The following DPP6 variants were observed in gnomAD, a reference collection of about 807,000 sequenced individuals.
The protein encoded by DPP6 is A-type potassium channel modulatory protein DPP6.
A neutral mutation model predicts 122.6 loss-of-function variants in DPP6; 69 were observed. That is an observed-to-expected ratio of 0.56 (90% CI 0.46 to 0.69). DPP6 has a LOEUF of 0.69. DPP6 is among the 30% of genes least tolerant of loss of function. DPP6 has a pLI of 0.00. For missense variants in DPP6, 928 were observed against 1,116.9 expected (o/e 0.83, Z 2.41); for synonymous variants, 418 against 433.1 (o/e 0.97, Z 0.43).
chr7:154,028,149 T>G (rs1799039548), intron 1 of DPP6, among the ~76,000 whole-genome samples: 2 of 151,954 alleles, frequency 1.3e-5, no homozygotes, highest in African/African-American at 4.8e-5. Flanking sequence ...ATGACATTTG[T>G]GTGGGGTTCT....
At chr7:154,583,775 G>A (rs1282223558) in intron 5 of DPP6, among the ~76,000 whole-genome samples, 1 of 152,200 alleles carries the variant, frequency 6.6e-6, no homozygotes, top group African/African-American at 2.4e-5. Context: ...TCTGACTCGG[G>A]TGTCAGACCT....
chr7:154,141,812 G>A (rs1465760326), intron 1 of DPP6, among the ~76,000 whole-genome samples: 1 of 152,174 alleles, frequency 6.6e-6, no homozygotes, highest in Non-Finnish European at 1.5e-5. Flanking sequence ...ATCTTGGTCA[G>A]TACAGTCAGG....
At chr7:154,063,279 AG>A (rs1480844084) in intron 1 of DPP6, among the ~76,000 whole-genome samples, 3 of 88,354 alleles carry the variant, frequency 3.4e-5, no homozygotes, top group Admixed American at 1.2e-4. Flanking sequence ...CCCATCGCAG[AG>A]GGGGGAGGGA....
At chr7:154,192,998 CAT>C (rs1443176475) in intron 1 of DPP6, among the ~76,000 whole-genome samples, 18 of 152,214 alleles carry the variant, frequency 1.2e-4, no homozygotes, top group Admixed American at 1.0e-3. Flanking sequence ...CAGTAAATAA[CAT>C]GTGGAGTTAA....
In DPP6 at chr7:154,332,229, G is replaced by A. The variant is rs143880560; in HGVS notation, c.244-113985G>A. On this transcript the variant is annotated intron_variant, in intron 1 of 25. Coordinates refer to ENST00000377770, the MANE Select transcript of DPP6 (RefSeq NM_130797.4). Reference sequence around the variant, plus strand: ...TGGGATTACAGGCACATGCCACCACGCCCGGCTAATTTGTGTATTTTTAGT... The same window carrying A: ...TGGGATTACAGGCACATGCCACCACACCCGGCTAATTTGTGTATTTTTAGT... 4.0e-3 allele frequency among the ~76,000 whole-genome samples: 612 copies of A among 152,018 alleles called. 3 individuals carry two copies. The highest frequency in any genetic ancestry group is 0.013 in the African/African-American group (529 of 41,470).
intron 1 of DPP6, among the ~76,000 whole-genome samples, chr7:154,397,801 T>C (rs796433782): frequency 4.6e-5 from 7 of 152,320 alleles, no homozygotes; most frequent in African/African-American, 1.7e-4. Context: ...AGGTGTGTGA[T>C]ACATTTGTTT....
chr7:154,560,961 A>G (rs1161887001), intron 4 of DPP6, among the ~76,000 whole-genome samples: 1 of 152,130 alleles, frequency 6.6e-6, no homozygotes, highest in Non-Finnish European at 1.5e-5. Flanking sequence ...TTGAATGGCT[A>G]TATTAATATT....
intron 1 of DPP6, among the ~76,000 whole-genome samples, chr7:153,889,402 A>C (rs1049419649): frequency 6.6e-6 from 1 of 152,164 alleles, no homozygotes; most frequent in Non-Finnish European, 1.5e-5. Flanking sequence ...ACGTGATGCC[A>C]TCATGTGCTA....
intron 1 of DPP6, among the ~76,000 whole-genome samples, chr7:154,227,215 G>GACACACACACACACAAACACACAC (rs1554495536): frequency 2.8e-5 from 4 of 141,356 alleles, no homozygotes; most frequent in Non-Finnish European, 6.1e-5. Flanking sequence ...GAAAATGAGG[G>GACACACACACACACAAACACACAC]ACACACACAC....
chr7:154,182,166 G>C (rs1798123705), intron 1 of DPP6, among the ~76,000 whole-genome samples: 2 of 152,098 alleles, frequency 1.3e-5, no homozygotes, highest in Non-Finnish European at 2.9e-5. Flanking sequence ...TTCTCACTTA[G>C]GAAATTGCAA....
At chr7:154,829,714 T>G (rs995391574) in intron 16 of DPP6, among the ~76,000 whole-genome samples, 5 of 152,142 alleles carry the variant, frequency 3.3e-5, no homozygotes, top group African/African-American at 9.7e-5. Flanking sequence ...AGATGGGAAC[T>G]TTGAGGTTCC....
the DPP6 span, among the ~76,000 whole-genome samples, chr7:153,867,082 G>A: frequency 3.3e-5 from 5 of 152,134 alleles, no homozygotes; most frequent in South Asian, 4.1e-4. Flanking sequence ...GTCAGGTAGC[G>A]TGATGCCTCC....
intron 1 of DPP6, among the ~76,000 whole-genome samples, chr7:154,069,327 AT>A (rs1191381896): frequency 2.1e-5 from 2 of 95,556 alleles, no homozygotes; most frequent in Non-Finnish European, 4.1e-5. Context: ...AAAGTTTTTA[AT>A]TTTTTTATTT....
intron 1 of DPP6, among the ~76,000 whole-genome samples, chr7:154,179,027 G>A (rs925619106): frequency 2.0e-5 from 3 of 152,170 alleles, no homozygotes; most frequent in Non-Finnish European, 4.4e-5. Context: ...TGGCCCAGAA[G>A]CAACAGGGCT....
At chr7:154,219,185 T>C (rs965442214) in intron 1 of DPP6, among the ~76,000 whole-genome samples, 5 of 152,232 alleles carry the variant, frequency 3.3e-5, no homozygotes, top group African/African-American at 4.8e-5. Flanking sequence ...TCTGCCATCC[T>C]CTTGACCTTC....
chr7:154,817,004 C>T (rs150719688), intron 16 of DPP6, among the ~76,000 whole-genome samples: 2 of 152,318 alleles, frequency 1.3e-5, no homozygotes, highest in African/African-American at 2.4e-5. Context: ...CCTGCCCGTT[C>T]CTTCTGCTGT....
At chr7:154,357,540 C>T (rs563628562) in intron 1 of DPP6, among the ~76,000 whole-genome samples, 10 of 152,136 alleles carry the variant, frequency 6.6e-5, no homozygotes, top group Non-Finnish European at 1.5e-4. Context: ...TATTCAGGCT[C>T]GAGGCAACTC....
intron 1 of DPP6, among the ~76,000 whole-genome samples, chr7:154,008,769 C>G (rs1179000448): frequency 6.7e-6 from 1 of 149,004 alleles, no homozygotes; most frequent in Non-Finnish European, 1.5e-5. Context: ...TCACGCCATT[C>G]TCCTGCCTCA....
intron 2 of DPP6, among the ~76,000 whole-genome samples, chr7:154,455,066 A>G (rs1056075593): frequency 1.3e-5 from 2 of 152,188 alleles, no homozygotes; most frequent in African/African-American, 4.8e-5. Context: ...GGTGGGCTCC[A>G]TCTCTCTGCT....
Sources: gnomAD v4.1 joint callset for allele counts (sites outside exome capture counted in the v4.1 genomes callset) on GRCh38, gnomAD v4.1.1 for gene constraint, MANE v1.5 for transcripts, NCBI Gene and HGNC (gene_info 2026-07-23, HGNC 2026-07-21) for gene names.